PIGX: variants seen among roughly 807,000 people sequenced by gnomAD.
PIGX encodes phosphatidylinositol glycan anchor biosynthesis class X.
PIGX carries 24 observed loss-of-function variants against 28.7 expected under a neutral mutation model. That is an observed-to-expected ratio of 0.84 (90% confidence interval 0.60 to 1.17). PIGX has a LOEUF of 1.17. Among genes scored for constraint, PIGX ranks in the 50% most tolerant of loss-of-function variants. The pLI is 0.00. For missense variants in PIGX, 305 were observed against 317.8 expected (o/e 0.96, Z 0.31); for synonymous variants, 127 against 121.0 (o/e 1.05, Z -0.33).
At chr3:196,718,660 G>A (rs938714745) in intron 2 of PIGX, among the ~76,000 whole-genome samples, 2 of 152,116 alleles carry the variant, frequency 1.3e-5, no homozygotes, top group African/African-American at 2.4e-5. Flanking sequence ...GTTCATGAAG[G>A]CTACTGGCCC....
At position 196,734,717 on chromosome 3, in the gene PIGX, T is replaced by C. The variant is rs879415053; in HGVS notation, c.*815T>C. 1 of 152,244 alleles carries C rather than the reference T, an allele frequency of 6.6e-6. No homozygotes were observed. The highest frequency in any genetic ancestry group is 1.5e-5 in the Non-Finnish European group (1 of 68,038). The allele number at this position is 152,244 out of a possible 1,614,324, so 9.4% of individuals were successfully genotyped here. A position where few individuals can be genotyped will look rare whatever the true frequency, so the allele number is the denominator to read the frequency against. On this transcript the variant is annotated 3_prime_UTR_variant, in exon 6 of 6. Transcript: ENST00000392391. The stretch of plus-strand genomic sequence containing the variant: ...AAATTAATATTAATATCAAAATTAT[T>C]GATAATCTTAAATTATTGATTATTC...
intron 5 of PIGX, among the ~76,000 whole-genome samples, chr3:196,732,244 A>ATT (rs1362729342): frequency 6.3e-5 from 2 of 31,964 alleles, no homozygotes; most frequent in African/African-American, 3.1e-4. Context: ...ATATATATAT[A>ATT]TATATATATA....
chr3:196,730,308 G>A (rs1294953797), intron 4 of PIGX, among the ~76,000 whole-genome samples: 1 of 152,064 alleles, frequency 6.6e-6, no homozygotes, highest in African/African-American at 2.4e-5. Flanking sequence ...CTTTTTATCT[G>A]AATGCTCTTT....
intron 5 of PIGX, among the ~76,000 whole-genome samples, chr3:196,731,899 T>C (rs1322357353): frequency 6.6e-6 from 1 of 151,984 alleles, no homozygotes; most frequent in Non-Finnish European, 1.5e-5. Context: ...CAATCTTGGC[T>C]CACTGCAACC....
intron 2 of PIGX, among the ~76,000 whole-genome samples, chr3:196,721,874 T>C (rs1390424533): frequency 6.6e-6 from 1 of 152,112 alleles, no homozygotes; most frequent in Non-Finnish European, 1.5e-5. Context: ...TGCCTCAGCC[T>C]CCTGAGTAGC....
At chr3:196,731,754 A>G (rs1396495001) in intron 5 of PIGX, among the ~76,000 whole-genome samples, 2 of 152,182 alleles carry the variant, frequency 1.3e-5, no homozygotes, top group African/African-American at 4.8e-5. Context: ...TTATTGATTT[A>G]GCAAATTAGT....
intron 3 of PIGX, 146 bp downstream of exon 3, chr3:196,722,702 A>T: frequency 1.4e-6 from 1 of 739,568 alleles, no homozygotes; most frequent in South Asian, 1.7e-5. Flanking sequence ...AGTCTTTGAC[A>T]AGTGAGTGAC....
intron 3 of PIGX, chr3:196,726,813 TATAACAGTAGATAG>T (rs985429678): frequency 8.0e-6 from 3 of 373,734 alleles, no homozygotes; most frequent in African/African-American, 4.3e-5. Flanking sequence ...GAAATAACCT[TATAACAGTAGATAG>T]ATCGAGATGA....
chr3:196,713,679 G>A (rs1711943286), intron 1 of PIGX, among the ~76,000 whole-genome samples: 1 of 151,694 alleles, frequency 6.6e-6, no homozygotes, highest in Non-Finnish European at 1.5e-5. Flanking sequence ...AATTGAAAAG[G>A]GGTCAAAATT....
In PIGX at chr3:196,717,795, A is replaced by G. The variant is rs182731084; in HGVS notation, c.176+874A>G. ...CTATGATACACTGCTCTAAATCACT[A>G]TGTCTTACTACAGTTGATTCTAAAT... On this transcript the variant is annotated intron_variant, in intron 2 of 5. Transcript: ENST00000392391. The G allele has an allele frequency of 6.0e-4, 91 of 152,264 alleles. 1 individual carries two copies. Among genetic ancestry groups the G allele is most frequent in the African/African-American group, 2.0e-3 (85 of 41,578 alleles). 9.4% of individuals were successfully genotyped at this position (152,264 alleles called of 1,614,324 possible).
chr3:196,725,397 A>G (rs1344879636), intron 3 of PIGX, among the ~76,000 whole-genome samples: 1 of 152,186 alleles, frequency 6.6e-6, no homozygotes, highest in Non-Finnish European at 1.5e-5. Context: ...AGAGAAGGGA[A>G]GTAAGTAAGG....
rs1415446168 is a variant in PIGX at position 196,733,651 on chromosome 3, G to T, written c.634-108G>T. ...TGGTTTTGAACTCCTGACCTCAAGC[G>T]ATCTGCCCGCCTTGGCCTCCCGAAG... is the stretch of plus-strand genomic sequence containing the variant. On this transcript the variant is annotated intron_variant, in intron 5 of 5. Coordinates refer to ENST00000392391, the MANE Select transcript of PIGX (RefSeq NM_017861.4). This position sits in a 1 kb window ranked among gnomAD's most constrained non-coding sequence, Gnocchi z 4.3. The T allele has an allele frequency of 1.3e-6, 1 of 746,796 alleles. No homozygotes were observed. Among genetic ancestry groups the T allele is most frequent in the South Asian group, 1.6e-5 (1 of 60,746 alleles). The allele number at this position is 746,796 out of a possible 1,614,324, so 46.3% of individuals were successfully genotyped here.
intron 3 of PIGX, among the ~76,000 whole-genome samples, chr3:196,727,108 A>G (rs1014756994): frequency 1.3e-5 from 2 of 152,368 alleles, no homozygotes; most frequent in Admixed American, 6.5e-5. Flanking sequence ...GAGTTAATGC[A>G]TACCAGGGTT....
intron 5 of PIGX, among the ~76,000 whole-genome samples, chr3:196,731,992 AT>A (rs1712777861): frequency 6.7e-6 from 1 of 150,158 alleles, no homozygotes; most frequent in African/African-American, 2.5e-5. Flanking sequence ...TGCCCGGCTA[AT>A]TTTTGTATTT....
At chr3:196,728,794 T>C in intron 4 of PIGX, 1 of 766,296 alleles carries the variant, frequency 1.3e-6, no homozygotes, top group Non-Finnish European at 2.4e-6. Context: ...CATTTAATAT[T>C]AGTAGGCATG....
chr3:196,719,525 A>G (rs1712228701), intron 2 of PIGX, among the ~76,000 whole-genome samples: 1 of 152,012 alleles, frequency 6.6e-6, no homozygotes, highest in Non-Finnish European at 1.5e-5. Context: ...CTCTGTTTTT[A>G]ATTTGTTGCT....
At chr3:196,725,265 G>C (rs1259809734) in intron 3 of PIGX, among the ~76,000 whole-genome samples, 1 of 152,038 alleles carries the variant, frequency 6.6e-6, no homozygotes, top group Non-Finnish European at 1.5e-5. Context: ...TTCTGCTTCT[G>C]GTCAAGTGGA....
In PIGX at chr3:196,713,607, A is replaced by G. The variant is rs144790063; in HGVS notation, c.112+963A>G. On this transcript the variant is annotated intron_variant, in intron 1 of 5. Coordinates refer to ENST00000392391, the MANE Select transcript of PIGX (RefSeq NM_017861.4). ...CAGGTGTGAACTACCATGCTCGGCC[A>G]GAAGAATTTTTAAACAGTTGGATTT... Among the ~76,000 whole-genome samples the G allele has an allele frequency of 5.1e-3, 777 of 152,216 alleles. 7 individuals carry two copies. Among genetic ancestry groups the G allele is most frequent in the African/African-American group, 0.017 (709 of 41,548 alleles).
chr3:196,732,216 TTATATATATATA>T (rs1175656364), intron 5 of PIGX, among the ~76,000 whole-genome samples: 5,303 of 51,352 alleles, frequency 0.1, 429 homozygotes, highest in Admixed American at 0.15. Context: ...TATATATTAT[TTATATATATATA>T]TATATATATA....
Sources: allele counts gnomAD v4.1 joint callset (sites outside exome capture counted in the v4.1 genomes callset), GRCh38; gene constraint gnomAD v4.1.1; non-coding constraint Gnocchi (gnomAD v3.1); transcripts MANE v1.5; gene names NCBI Gene and HGNC (gene_info 2026-07-23, HGNC 2026-07-21).